Variants in DMD observed in about 807,000 individuals in gnomAD.
DMD encodes the protein dystrophin.
DMD carries 63 observed loss-of-function variants against 330.1 expected under a neutral mutation model. The observed-to-expected ratio is 0.19, with a 90% CI of 0.16 to 0.24. The LOEUF (loss-of-function observed/expected upper bound fraction) is 0.24, where lower values mean the gene tolerates loss of function less well. Among genes scored for constraint, DMD ranks in the 10% least tolerant of loss-of-function variants. The pLI, the probability that DMD is intolerant of heterozygous loss-of-function variation, is 1.00. For missense variants in DMD, 3,344 were observed against 2,684.1 expected, an observed-to-expected ratio of 1.25 and a Z score of -5.43; for synonymous variants, 1,223 against 959.8, an observed-to-expected ratio of 1.27 and a Z score of -5.07.
At chrX:32,695,659 G>A (rs1217658779) in intron 9 of DMD, among the ~76,000 whole-genome samples, 1 of 111,545 alleles carries the variant, frequency 9.0e-6, no homozygotes, top group Non-Finnish European at 1.9e-5. Flanking sequence ...AAAATTAATT[G>A]GAAATGTGGC....
chrX:31,134,920 G>A (rs182937390), intron 76 of DMD, among the ~76,000 whole-genome samples: 7 of 111,545 alleles, frequency 6.3e-5, no homozygotes, highest in African/African-American at 2.0e-4. Flanking sequence ...GGGTGCGGTC[G>A]CTCATGCCTG....
At chrX:31,749,331 C>T (rs1253134555) in intron 51 of DMD, among the ~76,000 whole-genome samples, 3 of 85,097 alleles carry the variant, frequency 3.5e-5, no homozygotes, top group African/African-American at 9.0e-5. Context: ...GTGTGATGTT[C>T]CCCTTCCTGT....
intron 27 of DMD, among the ~76,000 whole-genome samples, chrX:32,444,053 C>T (rs973907937): frequency 8.2e-5 from 9 of 110,281 alleles, no homozygotes; most frequent in African/African-American, 3.0e-4. Flanking sequence ...AAAATACTGG[C>T]GTATCAGAAC....
intron 38 of DMD, among the ~76,000 whole-genome samples, chrX:32,346,854 G>A (rs376914532): frequency 9.0e-6 from 1 of 111,204 alleles, no homozygotes; most frequent in Non-Finnish European, 1.9e-5. Context: ...TAATATAGTC[G>A]CATATATGAC....
At chrX:31,708,247 T>C (rs754220005) in intron 52 of DMD, among the ~76,000 whole-genome samples, 2 of 111,870 alleles carry the variant, frequency 1.8e-5, no homozygotes, top group Non-Finnish European at 3.8e-5. Flanking sequence ...TCTTGAACTA[T>C]TGCATGCATT....
chrX:31,943,604 T>G (rs2150056968), intron 45 of DMD, among the ~76,000 whole-genome samples: 1 of 111,756 alleles, frequency 8.9e-6, no homozygotes, highest in Admixed American at 9.5e-5. Context: ...TTTCTCTTTC[T>G]TCCTAACCCA....
chrX:32,703,152 T>A (rs1039369989), intron 7 of DMD, among the ~76,000 whole-genome samples: 5 of 111,479 alleles, frequency 4.5e-5, no homozygotes, highest in African/African-American at 1.6e-4. Context: ...CTTCTAAAGC[T>A]ATCATCATCC....
intron 63 of DMD, among the ~76,000 whole-genome samples, chrX:31,256,859 C>T (rs959813857): frequency 1.8e-5 from 2 of 108,648 alleles, no homozygotes; most frequent in African/African-American, 6.7e-5. Context: ...ATGGGGGTAT[C>T]GACGAAGAAA....
intron 7 of DMD, among the ~76,000 whole-genome samples, chrX:32,737,388 G>A (rs1218357089): frequency 9.0e-6 from 1 of 110,633 alleles, no homozygotes; most frequent in Non-Finnish European, 1.9e-5. Context: ...CTAATAATTA[G>A]GTCTTATAAA....
intron 7 of DMD, among the ~76,000 whole-genome samples, chrX:32,796,685 G>A (rs1328275799): frequency 1.5e-4 from 17 of 111,798 alleles, no homozygotes; most frequent in Non-Finnish European, 1.9e-5. Flanking sequence ...TACACATTCA[G>A]TGCGTTTAAC....
upstream of DMD, among the ~76,000 whole-genome samples, chrX:33,211,749 T>C (rs1488627156): frequency 8.9e-6 from 1 of 112,531 alleles, no homozygotes; most frequent in East Asian, 2.8e-4. Context: ...CAAACCAGAA[T>C]AGCACAGTGG....
At chrX:31,405,678 GAATAGTGAAC>G (rs1190780845) in intron 60 of DMD, among the ~76,000 whole-genome samples, 2 of 111,725 alleles carry the variant, frequency 1.8e-5, no homozygotes, top group African/African-American at 6.5e-5. Context: ...CCGAAGTTCA[GAATAGTGAAC>G]AATCAGCAAT....
At position 32,136,072 on chromosome X, in the gene DMD, G is replaced by A. The variant is rs994076494; in HGVS notation, c.6438+80844C>T. Among the ~76,000 whole-genome samples, 6 of 111,914 alleles carry A rather than the reference G, an allele frequency of 5.4e-5. No homozygotes were observed. The Admixed American group carries it at 5.7e-4, about 11-fold the overall frequency. Reference sequence around the variant, plus strand: ...TGTATTAGACTTACAGAAAATTGTGGACCTTAAGTAATGTTTTATTAAAAT... The same window carrying A: ...TGTATTAGACTTACAGAAAATTGTGAACCTTAAGTAATGTTTTATTAAAAT... On this transcript the variant is annotated intron_variant, in intron 44 of 78. Transcript: ENST00000357033.
intron 1 of DMD, among the ~76,000 whole-genome samples, chrX:33,055,084 A>G (rs192866461): frequency 4.8e-4 from 54 of 111,987 alleles, no homozygotes; most frequent in Middle Eastern, 4.6e-3. Context: ...TTGAGCATTA[A>G]GATTGAAGCT....
chrX:32,828,970 TC>T (rs766919629), intron 4 of DMD, among the ~76,000 whole-genome samples: 506 of 111,869 alleles, frequency 4.5e-3, no homozygotes, highest in Non-Finnish European at 7.6e-3. Context: ...ATGGTAGTTT[TC>T]TTTTCCTTCT....
intron 44 of DMD, among the ~76,000 whole-genome samples, chrX:32,033,496 G>C (rs2095903160): frequency 9.2e-6 from 1 of 108,325 alleles, no homozygotes; most frequent in South Asian, 4.0e-4. Flanking sequence ...AAACTCTAAG[G>C]AATTTATTTT....
At chrX:31,371,867 A>G (rs1017192429) in intron 60 of DMD, among the ~76,000 whole-genome samples, 3 of 112,617 alleles carry the variant, frequency 2.7e-5, no homozygotes, top group African/African-American at 9.7e-5. Context: ...CTGAAGTTGG[A>G]CTGCCTGGTG....
chrX:33,276,299 G>T (rs1274793943), intron 1 of DMD, among the ~76,000 whole-genome samples: 3 of 110,841 alleles, frequency 2.7e-5, no homozygotes, highest in Non-Finnish European at 5.7e-5. Context: ...ACATGAAGAG[G>T]CTGGAGTATT....
intron 59 of DMD, among the ~76,000 whole-genome samples, chrX:31,462,695 G>A (rs1173378339): frequency 2.7e-5 from 3 of 111,524 alleles, no homozygotes; most frequent in Admixed American, 9.6e-5. Flanking sequence ...CAGGGTCTGC[G>A]TTCATGGAAC....
Sources: allele counts gnomAD v4.1 joint callset (sites outside exome capture counted in the v4.1 genomes callset), GRCh38; gene constraint gnomAD v4.1.1; transcripts MANE v1.5; gene names NCBI Gene and HGNC (gene_info 2026-07-23, HGNC 2026-07-21).